SLC8A2: variants seen among roughly 807,000 people sequenced by gnomAD.
SLC8A2 encodes sodium/calcium exchanger 2.
A neutral mutation model predicts 70.2 loss-of-function variants in SLC8A2; 14 were observed. The observed-to-expected ratio is 0.20, with a 90% CI of 0.13 to 0.31. The LOEUF (loss-of-function observed/expected upper bound fraction) is 0.31. Ranked by LOEUF, SLC8A2 falls within the 10% of genes least tolerant of loss-of-function variation. The probability of loss-of-function intolerance (pLI) is 1.00; values close to 1 mark genes in which losing one functional copy is unlikely to be tolerated. For synonymous variants in SLC8A2, 575 were observed against 594.3 expected (o/e 0.97, Z 0.47); for missense variants, 779 against 1,320.1 (o/e 0.59, Z 6.35).
At chr19:47,437,715 G>T in intron 7 of SLC8A2, 134 bp downstream of exon 7, 1 of 1,195,524 alleles carries the variant, frequency 8.4e-7, no homozygotes, top group Non-Finnish European at 1.2e-6. Context: ...AGGGAGGCAT[G>T]TGCTGTCCGT....
chr19:47,448,073 C>T lies in SLC8A2; in HGVS notation c.1499G>A (p.Gly500Glu). 6.3e-7 allele frequency: 1 copy of T among 1,591,290 alleles called. No homozygotes were observed. Among genetic ancestry groups the T allele is most frequent in the Admixed American group, 1.8e-5 (1 of 56,722 alleles). The change falls in exon 4 of 10, where the codon GGG becomes GAG. Residue 500 changes from glycine (G) to glutamate (E), a missense_variant. This residue lies in a region of SLC8A2 where 247 missense variants were observed against 362.8 expected (regional missense o/e 0.68). Coordinates refer to ENST00000236877, the MANE Select transcript of SLC8A2 (RefSeq NM_015063.3). This position sits in a 1 kb window ranked among gnomAD's most constrained non-coding sequence, Gnocchi z 4.8. ...AQGMFEPDGGGRPKGRLVAPL... is the reference protein window; with the variant it reads ...AQGMFEPDGGERPKGRLVAPL... ...CGCCACCAGCCGCCCCTTGGGCCGCCCGCCGCCGTCCGGCTCGAACATGCC... is the reference window on the plus strand; with the variant it reads ...CGCCACCAGCCGCCCCTTGGGCCGCTCGCCGCCGTCCGGCTCGAACATGCC...
intron 6 of SLC8A2, among the ~76,000 whole-genome samples, chr19:47,439,073 C>T (rs923851723): frequency 2.0e-5 from 3 of 152,186 alleles, no homozygotes; most frequent in African/African-American, 7.2e-5. Context: ...CCAGGCTTAG[C>T]CCCCGAAAAC....
chr19:47,459,710 C>T (rs574063452), intron 2 of SLC8A2, among the ~76,000 whole-genome samples: 17 of 146,954 alleles, frequency 1.2e-4, no homozygotes, highest in Admixed American at 4.1e-4. Context: ...TCTGTGTGTG[C>T]GCGCATGTGT....
rs551929062 is a variant in SLC8A2 at position 47,466,608 on chromosome 19, A to C, written c.-16-189T>G. Among the ~76,000 whole-genome samples, 4 of 152,242 alleles carry C rather than the reference A, an allele frequency of 2.6e-5. No individual in the cohort carries two copies. In the South Asian group the frequency reaches 6.2e-4, roughly 24 times the overall value. The stretch of plus-strand genomic sequence containing the variant: ...CCCACAGAGAGAGAGAGAGACTGAA[A>C]GATAAGGACAGAGGAACCCCCATGC... On this transcript the variant is annotated intron_variant, in intron 1 of 9. Coordinates refer to ENST00000236877, the MANE Select transcript of SLC8A2 (RefSeq NM_015063.3). The surrounding 1 kb of genome is among the most constrained non-coding windows in gnomAD (Gnocchi z 6.9).
intron 1 of SLC8A2, among the ~76,000 whole-genome samples, chr19:47,471,380 G>A (rs1010430605): frequency 2.6e-5 from 4 of 152,064 alleles, no homozygotes; most frequent in Admixed American, 1.3e-4. Flanking sequence ...AGGAGTGAGA[G>A]ACTGAGAGAC....
chr19:47,454,076 G>T (rs959691724), intron 3 of SLC8A2, among the ~76,000 whole-genome samples: 1 of 152,156 alleles, frequency 6.6e-6, no homozygotes, highest in Non-Finnish European at 1.5e-5. Flanking sequence ...AGTCCAGGAG[G>T]TTGAGGCTGC....
At chr19:47,464,742 C>A (rs1255735235) in intron 2 of SLC8A2, among the ~76,000 whole-genome samples, 2 of 152,208 alleles carry the variant, frequency 1.3e-5, no homozygotes, top group Non-Finnish European at 2.9e-5. Flanking sequence ...GTGAATGAAT[C>A]CTGGACACCT....
chr19:47,439,617 T>C (rs111594003), intron 6 of SLC8A2, among the ~76,000 whole-genome samples: 3,146 of 145,754 alleles, frequency 0.022, 113 homozygotes, highest in African/African-American at 0.075. Flanking sequence ...TTCCTTCCTT[T>C]CTTCCTTCCT....
At chr19:47,452,441 AGAGAGTGTGTGT>A (rs1418025330) in intron 3 of SLC8A2, among the ~76,000 whole-genome samples, 279 of 65,072 alleles carry the variant, frequency 4.3e-3, no homozygotes, top group Non-Finnish European at 5.2e-3. Flanking sequence ...AGAGAGAGAG[AGAGAGTGTGTGT>A]GTGTGTGTGT....
At chr19:47,437,593 G>C in intron 7 of SLC8A2, 32 bp from the exon 8 acceptor site, 1 of 1,511,052 alleles carries the variant, frequency 6.6e-7, no homozygotes, top group Non-Finnish European at 9.2e-7. Flanking sequence ...AGAGGTCACT[G>C]CCCCTGAGCG....
intron 6 of SLC8A2, among the ~76,000 whole-genome samples, chr19:47,440,291 G>T (rs56063394): frequency 0.046 from 7,046 of 152,122 alleles, 207 homozygotes; most frequent in African/African-American, 0.078. Flanking sequence ...CACCTCCACT[G>T]TGACTCTCAC....
intron 3 of SLC8A2, among the ~76,000 whole-genome samples, chr19:47,456,025 C>T (rs1476685695): frequency 6.6e-6 from 1 of 152,214 alleles, no homozygotes; most frequent in Non-Finnish European, 1.5e-5. Flanking sequence ...TAGTTTATAT[C>T]CTCATTGCAA....
At position 47,454,813 on chromosome 19, in the gene SLC8A2, C is replaced by T. The variant is rs115476053; in HGVS notation, c.1340+2117G>A. On this transcript the variant is annotated intron_variant, in intron 3 of 9. Transcript: ENST00000236877. ...CGATGAAACAGAGAACTGCCAGGTG[C>T]GGTGGCTCACGCCTGTAGTCCCAGC... Among the ~76,000 whole-genome samples, 602 of 152,236 alleles carry T rather than the reference C, an allele frequency of 4.0e-3. 4 individuals are homozygous for T. Among genetic ancestry groups the T allele is most frequent in the South Asian group, 0.014 (67 of 4,820 alleles).
chr19:47,460,697 A>T (rs1377465197), intron 2 of SLC8A2, among the ~76,000 whole-genome samples: 1 of 143,198 alleles, frequency 7.0e-6, no homozygotes, highest in Non-Finnish European at 1.5e-5. Flanking sequence ...ACTCCATCTT[A>T]AAAAAAAAAA....
chr19:47,457,633 G>A (rs1351535506), intron 2 of SLC8A2, 39 bp from the exon 3 acceptor site: 2 of 1,339,928 alleles, frequency 1.5e-6, no homozygotes, highest in South Asian at 1.5e-5. Context: ...CGGGCGGGCC[G>A]CCTTCTCCCT....
chr19:47,466,410 T>A lies in SLC8A2; in HGVS notation c.-7A>T, dbSNP rs561289318. 3.1e-6 allele frequency: 4 copies of A among 1,300,928 alleles called. No homozygotes were observed. The African/African-American group carries it at 6.3e-5, about 20-fold the overall frequency. 80.6% of individuals were successfully genotyped at this position (1,300,928 alleles called of 1,614,324 possible). A position where few individuals can be genotyped will look rare whatever the true frequency, so the allele number is the denominator to read the frequency against. On this transcript the variant is annotated 5_prime_UTR_variant, in exon 2 of 10. Coordinates refer to ENST00000236877, the MANE Select transcript of SLC8A2 (RefSeq NM_015063.3). The surrounding 1 kb of genome is among the most constrained non-coding windows in gnomAD (Gnocchi z 6.9). ...CCAAGGCCAGGGGAGCCATGGGGGG[T>A]GGTGGGGTCCTATGGGGGAGGAGGA...
chr19:47,469,114 G>A (rs1246342007), intron 1 of SLC8A2, among the ~76,000 whole-genome samples: 1 of 121,068 alleles, frequency 8.3e-6, no homozygotes, highest in Admixed American at 8.7e-5. Context: ...GAGCATGCCT[G>A]TGTGCGTGTG....
At chr19:47,444,170 A>G (rs1967131248) in intron 4 of SLC8A2, among the ~76,000 whole-genome samples, 1 of 152,092 alleles carries the variant, frequency 6.6e-6, no homozygotes, top group Non-Finnish European at 1.5e-5. Flanking sequence ...CTGGGGTTAC[A>G]GGTGTGAGCC....
rs1262662427 is a variant in SLC8A2, at chr19:47,430,841, C to T, written c.2390-376G>A. ...TCCCAGGTTCAAGCGATTCTCTTGCCGGAGCCTCTGAGTAGCTGGGATTAC... is the reference window on the plus strand; with the variant it reads ...TCCCAGGTTCAAGCGATTCTCTTGCTGGAGCCTCTGAGTAGCTGGGATTAC... On this transcript the variant is annotated intron_variant, in intron 9 of 9. Transcript: ENST00000236877. The surrounding 1 kb of genome is among the most constrained non-coding windows in gnomAD (Gnocchi z 5.9). Among the ~76,000 whole-genome samples, 3 of 152,158 alleles carry T rather than the reference C, an allele frequency of 2.0e-5. No homozygotes were observed. In the East Asian group the frequency reaches 5.8e-4, roughly 29 times the overall value.
Sources: allele counts gnomAD v4.1 joint callset (sites outside exome capture counted in the v4.1 genomes callset), GRCh38; gene constraint gnomAD v4.1.1; regional missense constraint gnomAD v4.1.1; non-coding constraint Gnocchi (gnomAD v3.1); transcripts MANE v1.5; gene names NCBI Gene and HGNC (gene_info 2026-07-23, HGNC 2026-07-21).